The following TRAF2 variants were observed in gnomAD, a reference collection of about 807,000 sequenced individuals.
TRAF2 encodes the protein TNF receptor associated factor 2.
TRAF2 carries 6 observed loss-of-function variants against 55.6 expected under a neutral mutation model. That is an observed-to-expected ratio of 0.11 (90% confidence interval 0.06 to 0.21). The LOEUF (loss-of-function observed/expected upper bound fraction) is 0.21. Ranked by LOEUF, TRAF2 falls within the 10% of genes least tolerant of loss-of-function variation. The pLI, the probability that TRAF2 is intolerant of heterozygous loss-of-function variation, is 1.00. For synonymous variants in TRAF2, 329 were observed against 276.3 expected, an observed-to-expected ratio of 1.19 and a Z score of -1.89; for missense variants, 561 against 684.5, an observed-to-expected ratio of 0.82 and a Z score of 2.01.
chr9:136,902,991 C>T (rs950530454), intron 4 of TRAF2, among the ~76,000 whole-genome samples: 12 of 151,810 alleles, frequency 7.9e-5, no homozygotes, highest in Non-Finnish European at 1.0e-4. Context: ...TTTTTTGAGA[C>T]GGTCTTGCTC....
In TRAF2 at chr9:136,926,104, G is replaced by T. The variant is rs778023831; in HGVS notation, c.*203G>T. 2.6e-6 allele frequency: 2 copies of T among 773,446 alleles called. No individual in the cohort carries two copies. The highest frequency in any genetic ancestry group is 4.6e-6 in the Non-Finnish European group (2 of 434,974). The allele number at this position is 773,446 out of a possible 1,614,324, so 47.9% of individuals were successfully genotyped here. On this transcript the variant is annotated 3_prime_UTR_variant, in exon 11 of 11. Coordinates refer to ENST00000247668, the MANE Select transcript of TRAF2 (RefSeq NM_021138.4). Reference sequence around the variant, plus strand: ...TCCTCAGATTTCAGAGACTGCGGAGGGGCTTGGCAGACGGTCTTAGCCAAG... The same window carrying T: ...TCCTCAGATTTCAGAGACTGCGGAGTGGCTTGGCAGACGGTCTTAGCCAAG...
intron 4 of TRAF2, among the ~76,000 whole-genome samples, chr9:136,904,973 C>T (rs1009670815): frequency 1.4e-4 from 22 of 152,184 alleles, no homozygotes; most frequent in African/African-American, 5.3e-4. Flanking sequence ...GGCCCATGTT[C>T]CCTGGGGCGC....
At chr9:136,904,460 C>T (rs908457355) in intron 4 of TRAF2, among the ~76,000 whole-genome samples, 1 of 152,072 alleles carries the variant, frequency 6.6e-6, no homozygotes, top group Admixed American at 6.6e-5. Context: ...GGCTGGAGTG[C>T]AGTGGCACGA....
In TRAF2 at chr9:136,909,812, G is replaced by T. The variant is rs1850057510; in HGVS notation, c.529-108G>T. 81 of 1,111,046 alleles carry T rather than the reference G, an allele frequency of 7.3e-5. No homozygotes were observed. In the South Asian group the frequency reaches 1.0e-3, roughly 14 times the overall value. The allele number at this position is 1,111,046 out of a possible 1,614,324, so 68.8% of individuals were successfully genotyped here. On this transcript the variant is annotated intron_variant, in intron 5 of 10. Transcript: ENST00000247668. ...TCCTTCGAGGCTGGAGGGTGACCACGTGCTCCTGCGGCCCCTCGGCGCTGC... is the reference window on the plus strand; with the variant it reads ...TCCTTCGAGGCTGGAGGGTGACCACTTGCTCCTGCGGCCCCTCGGCGCTGC...
chr9:136,907,030 G>A (rs974796640), intron 4 of TRAF2, among the ~76,000 whole-genome samples: 5 of 152,258 alleles, frequency 3.3e-5, no homozygotes, highest in Non-Finnish European at 5.9e-5. Flanking sequence ...AAGACGGTCG[G>A]GGAAGCCCTG....
intron 7 of TRAF2, among the ~76,000 whole-genome samples, chr9:136,919,295 CTTTTT>C (rs34390498): frequency 1.1e-4 from 10 of 90,210 alleles, no homozygotes; most frequent in Non-Finnish European, 7.9e-5. Flanking sequence ...TTGTGGGTGG[CTTTTT>C]TTTTTTTTTT....
chr9:136,912,419 C>G, intron 6 of TRAF2, among the ~76,000 whole-genome samples: 1 of 152,052 alleles, frequency 6.6e-6, no homozygotes, highest in South Asian at 2.1e-4. Flanking sequence ...CTCGGCCTCC[C>G]AAAGTACTGG....
Position 136,910,004 on chromosome 9 carries a change from C to T in TRAF2, c.603+10C>T. On this transcript the variant is annotated intron_variant, in intron 6 of 10. Coordinates refer to ENST00000247668, the MANE Select transcript of TRAF2 (RefSeq NM_021138.4). ...GATCCCCCGGGAGAAGGTGAGTGTC[C>T]TTCACCTCCTTGGAGGACCGCAGGG... is the stretch of plus-strand genomic sequence containing the variant. 5.6e-6 allele frequency: 9 copies of T among 1,612,784 alleles called. No individual in the cohort carries two copies. Among genetic ancestry groups the T allele is most frequent in the Non-Finnish European group, 7.6e-6 (9 of 1,179,460 alleles).
At chr9:136,916,719 C>T in intron 7 of TRAF2, 104 bp downstream of exon 7, 1 of 1,151,386 alleles carries the variant, frequency 8.7e-7, no homozygotes, top group Non-Finnish European at 1.3e-6. Context: ...GCTCCTCAGC[C>T]ACCTCTGCAG....
In TRAF2 at chr9:136,925,838, G is replaced by T. The variant is rs1265393184; in HGVS notation, c.1443G>T (p.Lys481Asn). 2.5e-6 allele frequency: 4 copies of T among 1,614,260 alleles called. No homozygotes were observed. Among genetic ancestry groups the T allele is most frequent in the Middle Eastern group, 3.3e-4 (2 of 6,062 alleles). ...LFCPVSKMEA[K>N]NSYVRDDAIF... is the part of the protein sequence containing the mutation. ...GCCCCGTCTCCAAGATGGAGGCAAAGAATTCCTACGTGCGGGACGATGCCA... is the reference window on the plus strand; with the variant it reads ...GCCCCGTCTCCAAGATGGAGGCAAATAATTCCTACGTGCGGGACGATGCCA... The change falls in exon 11 of 11, where the codon AAG becomes AAT. Residue 481 changes from lysine to asparagine, a missense_variant. Coordinates refer to ENST00000247668, the MANE Select transcript of TRAF2 (RefSeq NM_021138.4).
At chr9:136,887,861 A>C (rs1849489160) in intron 1 of TRAF2, among the ~76,000 whole-genome samples, 1 of 152,010 alleles carries the variant, frequency 6.6e-6, no homozygotes, top group African/African-American at 2.4e-5. Flanking sequence ...GTTACATATA[A>C]AATTGTAATT....
In TRAF2 at chr9:136,926,106, GCTTGGCAGACGGT is replaced by G; in HGVS notation, c.*209_*221del. ...CTCAGATTTCAGAGACTGCGGAGGG[GCTTGGCAGACGGT>G]CTTAGCCAAGGGCTGTGGTGGCATT... On this transcript the variant is annotated 3_prime_UTR_variant, in exon 11 of 11. Coordinates refer to ENST00000247668, the MANE Select transcript of TRAF2 (RefSeq NM_021138.4). 1 of 770,964 alleles carries G rather than the reference GCTTGGCAGACGGT, an allele frequency of 1.3e-6. No homozygotes were observed. Among genetic ancestry groups the G allele is most frequent in the Non-Finnish European group, 2.3e-6 (1 of 433,078 alleles). 47.8% of individuals were successfully genotyped at this position (770,964 alleles called of 1,614,324 possible).
At chr9:136,894,734 G>C (rs191108831) in intron 1 of TRAF2, among the ~76,000 whole-genome samples, 1 of 152,120 alleles carries the variant, frequency 6.6e-6, no homozygotes, top group Non-Finnish European at 1.5e-5. Context: ...GAGCAGGGTC[G>C]GGGCCAGAGA....
At chr9:136,910,067 G>C (rs1170610816) in intron 6 of TRAF2, 73 bp downstream of exon 6, 1 of 1,488,354 alleles carries the variant, frequency 6.7e-7, no homozygotes, top group Admixed American at 1.9e-5. Context: ...CCCGTGGGTG[G>C]GGGTGGGGCA....
At chr9:136,902,021 C>G (rs986319209) in intron 4 of TRAF2, 1 of 152,280 alleles carries the variant, frequency 6.6e-6, no homozygotes, top group African/African-American at 2.4e-5. Flanking sequence ...GCTTTCCTCC[C>G]TAGCACGGGG....
At chr9:136,885,979 G>C (rs1564401024), upstream of TRAF2, 1 of 152,248 alleles carries the variant, frequency 6.6e-6, no homozygotes, top group Non-Finnish European at 1.5e-5. Context: ...CGGCACCGGG[G>C]GAGGCGGAGG....
intron 4 of TRAF2, among the ~76,000 whole-genome samples, chr9:136,901,130 G>C (rs1849811026): frequency 7.7e-6 from 1 of 129,134 alleles, no homozygotes; most frequent in Non-Finnish European, 1.6e-5. Flanking sequence ...ACGCCTTCCT[G>C]CACTGGGGAT....
At chr9:136,908,704 A>G (rs1274436183) in intron 5 of TRAF2, among the ~76,000 whole-genome samples, 5 of 152,058 alleles carry the variant, frequency 3.3e-5, no homozygotes, top group Non-Finnish European at 7.4e-5. Flanking sequence ...GTCTCTACTA[A>G]AAATACAAAA....
chr9:136,890,913 G>T (rs1203461490), intron 1 of TRAF2, among the ~76,000 whole-genome samples: 2 of 152,140 alleles, frequency 1.3e-5, no homozygotes, highest in African/African-American at 4.8e-5. Context: ...GCCGGTGGTG[G>T]AGGACGTGCA....
Sources: allele counts gnomAD v4.1 joint callset (sites outside exome capture counted in the v4.1 genomes callset), GRCh38; gene constraint gnomAD v4.1.1; transcripts MANE v1.5; gene names NCBI Gene and HGNC (gene_info 2026-07-23, HGNC 2026-07-21).